PRKCZ: variants seen among roughly 807,000 people sequenced by gnomAD.
The protein encoded by PRKCZ is protein kinase C zeta, also known as protein kinase C zeta type.
PRKCZ carries 33 observed loss-of-function variants against 79.5 expected under a neutral mutation model. That is an observed-to-expected ratio of 0.41 (90% CI 0.31 to 0.55). The LOEUF is 0.55. PRKCZ is among the 20% of genes least tolerant of loss of function. The probability of loss-of-function intolerance (pLI) is 0.19; values close to 1 mark genes in which losing one functional copy is unlikely to be tolerated. For synonymous variants in PRKCZ, 342 were observed against 320.9 expected, an observed-to-expected ratio of 1.07 and a Z score of -0.70; for missense variants, 578 against 813.5, an observed-to-expected ratio of 0.71 and a Z score of 3.52.
chr1:2,178,376 G>A lies in PRKCZ; in HGVS notation c.1575+3063G>A, dbSNP rs1441099584. Among the ~76,000 whole-genome samples, 1 of 152,200 alleles carries A rather than the reference G, an allele frequency of 6.6e-6. No individual in the cohort carries two copies. Among genetic ancestry groups the A allele is most frequent in the East Asian group, 1.9e-4 (1 of 5,196 alleles). ...TAGCACGTGGCACTGCCTCCTTCCT[G>A]CGCTGAACCCCACCCACTGCGTCCA... On this transcript the variant is annotated intron_variant, in intron 16 of 17. Coordinates refer to ENST00000378567, the MANE Select transcript of PRKCZ (RefSeq NM_002744.6). This position sits in a 1 kb window ranked among gnomAD's most constrained non-coding sequence, Gnocchi z 4.3.
chr1:2,159,830 A>C (rs991190366), intron 10 of PRKCZ, among the ~76,000 whole-genome samples: 1 of 152,234 alleles, frequency 6.6e-6, no homozygotes, highest in African/African-American at 2.4e-5. Context: ...AATTGAAATG[A>C]GCCATAAAGT....
At chr1:2,092,598 A>T (rs1194460426) in intron 4 of PRKCZ, among the ~76,000 whole-genome samples, 1 of 152,138 alleles carries the variant, frequency 6.6e-6, no homozygotes, top group Non-Finnish European at 1.5e-5. Flanking sequence ...GGGTTTGTTT[A>T]AGGTATAAAT....
intron 10 of PRKCZ, among the ~76,000 whole-genome samples, chr1:2,160,675 G>T (rs1682069103): frequency 6.6e-6 from 1 of 152,172 alleles, no homozygotes; most frequent in African/African-American, 2.4e-5. Flanking sequence ...GACCTGCTGG[G>T]CCTGTCATGG....
chr1:2,169,812 G>A (rs1270718718), intron 11 of PRKCZ, among the ~76,000 whole-genome samples: 1 of 128,920 alleles, frequency 7.8e-6, no homozygotes, highest in Non-Finnish European at 1.7e-5. Context: ...GGGGCGGGGT[G>A]CACGTGGAGG....
In PRKCZ at chr1:2,178,181, G is replaced by T. The variant is rs1007858481; in HGVS notation, c.1575+2868G>T. On this transcript the variant is annotated intron_variant, in intron 16 of 17. Coordinates refer to ENST00000378567, the MANE Select transcript of PRKCZ (RefSeq NM_002744.6). The surrounding 1 kb of genome is among the most constrained non-coding windows in gnomAD (Gnocchi z 4.3). ...GATCACTTTCATCACCCTGTACCCA[G>T]AGAAGACCCGAACCCACTCCAGCCT... is the stretch of plus-strand genomic sequence containing the variant. 6.6e-6 allele frequency among the ~76,000 whole-genome samples: 1 copy of T among 152,174 alleles called. No homozygotes were observed.
At chr1:2,048,904 G>A (rs1405992568), upstream of PRKCZ, among the ~76,000 whole-genome samples, 1 of 152,190 alleles carries the variant, frequency 6.6e-6, no homozygotes, top group African/African-American at 2.4e-5. Flanking sequence ...AGTGGCTCAC[G>A]CCTGTAATCC....
rs1684754042 is a variant in PRKCZ, at chr1:2,172,978, A to C, written c.1285+590A>C. Among the ~76,000 whole-genome samples the C allele has an allele frequency of 6.7e-6, 1 of 150,234 alleles. No homozygotes were observed. Among genetic ancestry groups the C allele is most frequent in the African/African-American group, 2.5e-5 (1 of 40,518 alleles). On this transcript the variant is annotated intron_variant, in intron 13 of 17. Coordinates refer to ENST00000378567, the MANE Select transcript of PRKCZ (RefSeq NM_002744.6). This position sits in a 1 kb window ranked among gnomAD's most constrained non-coding sequence, Gnocchi z 7.8. ...TGTGCAGCCGTGTGTGCGTGTGTGA[A>C]ACGGGGACGTGGGCACGCGTGTGCA...
chr1:2,155,958 C>G, intron 9 of PRKCZ, 37 bp from the exon 10 acceptor site: 4 of 1,577,260 alleles, frequency 2.5e-6, no homozygotes, highest in Non-Finnish European at 3.5e-6. Flanking sequence ...GAGGAGCATT[C>G]GGGAGCCTCA....
chr1:2,121,773 G>T (rs1449482465), intron 4 of PRKCZ, among the ~76,000 whole-genome samples: 7 of 32,106 alleles, frequency 2.2e-4, no homozygotes, highest in Non-Finnish European at 3.3e-4. Flanking sequence ...GGTGGTTAGG[G>T]TCACGGTGGT....
intron 10 of PRKCZ, among the ~76,000 whole-genome samples, chr1:2,161,336 C>T (rs1682255916): frequency 6.6e-6 from 1 of 152,264 alleles, no homozygotes; most frequent in Non-Finnish European, 1.5e-5. Context: ...GGAGAAGGGG[C>T]TCTTCCCAGC....
At position 2,181,139 on chromosome 1, in the gene PRKCZ, G is replaced by A. The variant is rs989332206; in HGVS notation, c.1576-3444G>A. Among the ~76,000 whole-genome samples, 6 of 122,398 alleles carry A rather than the reference G, an allele frequency of 4.9e-5. No individual in the cohort carries two copies. In the East Asian group the frequency reaches 1.6e-3, roughly 32 times the overall value. The allele number at this position is 122,398 out of a possible 152,430, so 80.3% of individuals were successfully genotyped here. On this transcript the variant is annotated intron_variant, in intron 16 of 17. Transcript: ENST00000378567. Reference sequence around the variant, plus strand: ...CCACCAGCATCCTGCCTGGCCCTACGGACAGCAGGGTCGTCCTGTGTCCAA... The same window carrying A: ...CCACCAGCATCCTGCCTGGCCCTACAGACAGCAGGGTCGTCCTGTGTCCAA...
intron 4 of PRKCZ, among the ~76,000 whole-genome samples, chr1:2,126,456 T>TC (rs1253026761): frequency 1.3e-5 from 2 of 151,406 alleles, no homozygotes; most frequent in Non-Finnish European, 3.0e-5. Context: ...ATTACCTGTC[T>TC]CCCCCCAGCC....
At position 2,147,640 on chromosome 1, in the gene PRKCZ, T is replaced by C. The variant is rs375114488; in HGVS notation, c.635-1232T>C. The stretch of plus-strand genomic sequence containing the variant: ...GCTATTGTCCACTGACCTCTCCATC[T>C]ATCCATCCATCTATTGTCCACTGAC... On this transcript the variant is annotated intron_variant, in intron 7 of 17. Coordinates refer to ENST00000378567, the MANE Select transcript of PRKCZ (RefSeq NM_002744.6). Among the ~76,000 whole-genome samples, 3 of 150,800 alleles carry C rather than the reference T, an allele frequency of 2.0e-5. No homozygotes were observed. In the East Asian group the frequency reaches 6.0e-4, roughly 30 times the overall value.
chr1:2,097,318 G>A (rs1309845212), intron 4 of PRKCZ, among the ~76,000 whole-genome samples: 2 of 152,208 alleles, frequency 1.3e-5, no homozygotes, highest in Admixed American at 1.3e-4. Context: ...CAAGAGTTCA[G>A]GGGCCCAGGT....
intron 1 of PRKCZ, among the ~76,000 whole-genome samples, chr1:2,052,863 G>T (rs901575302): frequency 6.6e-6 from 1 of 152,174 alleles, no homozygotes; most frequent in African/African-American, 2.4e-5. Context: ...GAAAAAGGAA[G>T]AGCACTTCAG....
Position 2,172,858 on chromosome 1 carries a change from A to C in PRKCZ, c.1285+470A>C, listed in dbSNP as rs1684699130. 6.6e-6 allele frequency among the ~76,000 whole-genome samples: 1 copy of C among 151,808 alleles called. No individual in the cohort carries two copies. Among genetic ancestry groups the C allele is most frequent in the Non-Finnish European group, 1.5e-5 (1 of 68,004 alleles). ...CTGGGCGTGAAACGGGGACATGGGC[A>C]CGCGTGTGCAGCCGTGTGTGCGTGT... On this transcript the variant is annotated intron_variant, in intron 13 of 17. Coordinates refer to ENST00000378567, the MANE Select transcript of PRKCZ (RefSeq NM_002744.6). This position sits in a 1 kb window ranked among gnomAD's most constrained non-coding sequence, Gnocchi z 7.8.
At chr1:2,091,813 G>GACCAGCAGGA (rs1665553689) in intron 4 of PRKCZ, among the ~76,000 whole-genome samples, 1 of 152,200 alleles carries the variant, frequency 6.6e-6, no homozygotes, top group Non-Finnish European at 1.5e-5. Context: ...AGCAGCAGGG[G>GACCAGCAGGA]GCGTCCGAGG....
rs1197112217 is a variant in PRKCZ at position 2,094,372 on chromosome 1, T to TG, written c.334+34784dup. The stretch of plus-strand genomic sequence containing the variant: ...GCAGTGGCCCCGGCTCGTTGAACCT[T>TG]GGGCACTGCCCATTCTGAGGCGCCC... On this transcript the variant is annotated intron_variant, in intron 4 of 17. Coordinates refer to ENST00000378567, the MANE Select transcript of PRKCZ (RefSeq NM_002744.6). The surrounding 1 kb of genome is among the most constrained non-coding windows in gnomAD (Gnocchi z 7.3). Among the ~76,000 whole-genome samples the TG allele has an allele frequency of 6.6e-6, 1 of 152,084 alleles. No homozygotes were observed. Among genetic ancestry groups the TG allele is most frequent in the African/African-American group, 2.4e-5 (1 of 41,414 alleles).
intron 4 of PRKCZ, among the ~76,000 whole-genome samples, chr1:2,091,650 G>A (rs937521537): frequency 2.0e-5 from 3 of 152,150 alleles, no homozygotes; most frequent in African/African-American, 7.2e-5. Context: ...CTTGTGTGTC[G>A]GCTTTGGAGA....
Sources: allele counts gnomAD v4.1 joint callset (sites outside exome capture counted in the v4.1 genomes callset), GRCh38; gene constraint gnomAD v4.1.1; non-coding constraint Gnocchi (gnomAD v3.1); transcripts MANE v1.5; gene names NCBI Gene and HGNC (gene_info 2026-07-23, HGNC 2026-07-21).